PARD3: variants seen among roughly 807,000 people sequenced by gnomAD.
The protein encoded by PARD3 is partitioning defective 3 homolog.
PARD3 carries 75 observed loss-of-function variants against 155.4 expected under a neutral mutation model. The observed-to-expected ratio is 0.48, with a 90% CI of 0.40 to 0.58. PARD3 has a LOEUF of 0.58. Ranked by LOEUF, PARD3 falls within the 20% of genes least tolerant of loss-of-function variation. The pLI, the probability that PARD3 is intolerant of heterozygous loss-of-function variation, is 0.00. For synonymous variants in PARD3, 576 were observed against 610.5 expected, an observed-to-expected ratio of 0.94 and a Z score of 0.83; for missense variants, 1,642 against 1,721.7, an observed-to-expected ratio of 0.95 and a Z score of 0.82.
At chr10:34,576,967 T>A (rs571572812) in intron 2 of PARD3, among the ~76,000 whole-genome samples, 2 of 152,168 alleles carry the variant, frequency 1.3e-5, no homozygotes, top group African/African-American at 4.8e-5. Flanking sequence ...GGGGTGAACA[T>A]ACAGCACAGA....
At chr10:34,375,036 T>C in intron 10 of PARD3, 34 bp from the exon 11 acceptor site, 2 of 1,547,542 alleles carry the variant, frequency 1.3e-6, no homozygotes, top group South Asian at 1.1e-5. Flanking sequence ...GCTGTAATCC[T>C]GTGGAAACAA....
intron 2 of PARD3, among the ~76,000 whole-genome samples, chr10:34,655,696 TAA>T (rs1302971300): frequency 6.6e-6 from 1 of 152,162 alleles, no homozygotes. Flanking sequence ...AGAGCAGTAA[TAA>T]AGTTACCTTA....
At chr10:34,622,827 CTTT>C (rs567045063) in intron 2 of PARD3, among the ~76,000 whole-genome samples, 7 of 113,446 alleles carry the variant, frequency 6.2e-5, no homozygotes, top group Non-Finnish European at 9.7e-5. Flanking sequence ...TTCTTTTTTT[CTTT>C]TTTTTTTTTT....
intron 22 of PARD3, among the ~76,000 whole-genome samples, chr10:34,192,768 C>G (rs1438480045): frequency 2.6e-5 from 4 of 152,138 alleles, no homozygotes; most frequent in African/African-American, 9.7e-5. Context: ...TGCCTGTGAT[C>G]TGTGTTATCT....
intron 5 of PARD3, among the ~76,000 whole-genome samples, chr10:34,440,516 G>T (rs931115934): frequency 6.6e-6 from 1 of 152,088 alleles, no homozygotes; most frequent in African/African-American, 2.4e-5. Context: ...ATCTTTCTCC[G>T]TAGTGCAAGC....
At chr10:34,296,727 G>A (rs1347454580) in intron 20 of PARD3, among the ~76,000 whole-genome samples, 1 of 152,162 alleles carries the variant, frequency 6.6e-6, no homozygotes, top group South Asian at 2.1e-4. Flanking sequence ...GGGCTTGAAA[G>A]TATCAGATAT....
At chr10:34,572,071 G>T (rs914095527) in intron 2 of PARD3, among the ~76,000 whole-genome samples, 1 of 152,046 alleles carries the variant, frequency 6.6e-6, no homozygotes, top group Admixed American at 6.5e-5. Context: ...TGAATTACTA[G>T]ATCAAGCAAC....
At chr10:34,350,527 G>A (rs1837938375) in intron 14 of PARD3, among the ~76,000 whole-genome samples, 1 of 151,348 alleles carries the variant, frequency 6.6e-6, no homozygotes, top group Non-Finnish European at 1.5e-5. Flanking sequence ...CCAGCTACTC[G>A]GGAGGCTGAG....
intron 18 of PARD3, among the ~76,000 whole-genome samples, chr10:34,334,800 T>C (rs566352370): frequency 2.0e-5 from 3 of 151,852 alleles, no homozygotes; most frequent in South Asian, 4.1e-4. Context: ...GATTAGACTA[T>C]AAAATCTGCC....
intron 2 of PARD3, among the ~76,000 whole-genome samples, chr10:34,603,699 A>G (rs1384511639): frequency 6.6e-6 from 1 of 152,212 alleles, no homozygotes; most frequent in African/African-American, 2.4e-5. Context: ...CATATTAGAC[A>G]GGGAGTAGAA....
At chr10:34,283,129 T>C (rs909645977) in intron 21 of PARD3, among the ~76,000 whole-genome samples, 1 of 152,092 alleles carries the variant, frequency 6.6e-6, no homozygotes, top group Non-Finnish European at 1.5e-5. Context: ...AAAACTGTTG[T>C]AGGATACTAT....
chr10:34,679,578 T>C (rs952847975), intron 2 of PARD3, among the ~76,000 whole-genome samples: 1 of 152,162 alleles, frequency 6.6e-6, no homozygotes, highest in Non-Finnish European at 1.5e-5. Context: ...CAAATACACA[T>C]ATTTTACTCA....
intron 1 of PARD3, among the ~76,000 whole-genome samples, chr10:34,730,073 A>G (rs115039688): frequency 0.011 from 1,731 of 152,310 alleles, 31 homozygotes; most frequent in African/African-American, 0.04. Flanking sequence ...TCAATAAAAT[A>G]AAATAATGTC....
At chr10:34,361,652 T>C (rs1392047182) in intron 12 of PARD3, among the ~76,000 whole-genome samples, 1 of 152,194 alleles carries the variant, frequency 6.6e-6, no homozygotes, top group Non-Finnish European at 1.5e-5. Context: ...TTTTAGATCA[T>C]CATAAAATAA....
chr10:34,762,495 G>A (rs1837590367), intron 1 of PARD3, among the ~76,000 whole-genome samples: 1 of 91,668 alleles, frequency 1.1e-5, no homozygotes, highest in Non-Finnish European at 2.3e-5. Flanking sequence ...TTTTTGTAGA[G>A]ATGGGGTCCC....
At chr10:34,207,961 T>A (rs1311067918) in intron 22 of PARD3, among the ~76,000 whole-genome samples, 2 of 152,220 alleles carry the variant, frequency 1.3e-5, no homozygotes, top group Admixed American at 1.3e-4. Flanking sequence ...GAGAAAAAAG[T>A]AATGAGCTCT....
chr10:34,120,918 T>G lies in PARD3; in HGVS notation c.3541-1178A>C, dbSNP rs1277673554. On this transcript the variant is annotated intron_variant, in intron 23 of 24. Transcript: ENST00000374788. The stretch of plus-strand genomic sequence containing the variant: ...AAAAAAATTTTAAAAATTAGTCAGG[T>G]GCAGTGGCACATGTCTGTGATCCCA... Among the ~76,000 whole-genome samples, 3 of 152,078 alleles carry G rather than the reference T, an allele frequency of 2.0e-5. No homozygotes were observed. In the East Asian group the frequency reaches 5.8e-4, roughly 29 times the overall value.
At chr10:34,428,578 C>T (rs1184626305) in intron 5 of PARD3, among the ~76,000 whole-genome samples, 2 of 152,148 alleles carry the variant, frequency 1.3e-5, no homozygotes, top group Non-Finnish European at 2.9e-5. Flanking sequence ...CAAATTAATT[C>T]TTCAAAATAC....
At chr10:34,197,144 G>A (rs557870660) in intron 22 of PARD3, among the ~76,000 whole-genome samples, 11 of 152,034 alleles carry the variant, frequency 7.2e-5, no homozygotes, top group African/African-American at 1.2e-4. Flanking sequence ...TTCTCCTCCC[G>A]ATTTAAAGTG....
Sources: allele counts gnomAD v4.1 joint callset (sites outside exome capture counted in the v4.1 genomes callset), GRCh38; gene constraint gnomAD v4.1.1; transcripts MANE v1.5; gene names NCBI Gene and HGNC (gene_info 2026-07-23, HGNC 2026-07-21).